SNTG1: variants seen among roughly 807,000 people sequenced by gnomAD.
SNTG1 encodes gamma-1-syntrophin.
SNTG1 carries 39 observed loss-of-function variants against 74.7 expected under a neutral mutation model. That is an observed-to-expected ratio of 0.52 (90% confidence interval 0.40 to 0.68). SNTG1 has a LOEUF of 0.68. SNTG1 is among the 30% of genes least tolerant of loss of function. SNTG1 has a pLI of 0.00. For missense variants in SNTG1, 685 were observed against 609.5 expected (o/e 1.12, Z -1.30); for synonymous variants, 254 against 217.1 (o/e 1.17, Z -1.49).
In SNTG1 at chr8:50,248,993, A is replaced by T. The variant is rs112656788; in HGVS notation, c.-28+76358A>T. Among the ~76,000 whole-genome samples, 10 of 152,270 alleles carry T rather than the reference A, an allele frequency of 6.6e-5. 1 individual carries two copies. Among genetic ancestry groups the T allele is most frequent in the African/African-American group, 2.2e-4 (9 of 41,548 alleles). On this transcript the variant is annotated intron_variant, in intron 2 of 18. Transcript: ENST00000642720. ...CAAGGTAACATCAAAATTCCTGTGG[A>T]GCATGGGAGCCCAGTATAACACCAT...
At chr8:50,576,097 C>A (rs1372426029) in intron 12 of SNTG1, among the ~76,000 whole-genome samples, 1 of 152,318 alleles carries the variant, frequency 6.6e-6, no homozygotes. Flanking sequence ...CAATTGCATG[C>A]ATCCCAAAAA....
chr8:50,297,304 A>G (rs768997586), intron 2 of SNTG1, among the ~76,000 whole-genome samples: 3 of 152,192 alleles, frequency 2.0e-5, no homozygotes, highest in Non-Finnish European at 2.9e-5. Flanking sequence ...AATTAGGCAG[A>G]ATAAGAGATT....
chr8:50,632,051 C>T (rs1278019656), intron 13 of SNTG1, among the ~76,000 whole-genome samples: 2 of 152,102 alleles, frequency 1.3e-5, no homozygotes, highest in African/African-American at 4.8e-5. Flanking sequence ...CTTGAAATAA[C>T]TACTGTGCTG....
intron 2 of SNTG1, among the ~76,000 whole-genome samples, chr8:50,233,482 A>G (rs985889680): frequency 1.3e-5 from 2 of 151,850 alleles, no homozygotes; most frequent in African/African-American, 4.8e-5. Flanking sequence ...AATAAAATAT[A>G]GGAGAAAATA....
intron 4 of SNTG1, among the ~76,000 whole-genome samples, chr8:50,420,023 CT>C (rs1391652044): frequency 6.6e-6 from 1 of 151,822 alleles, no homozygotes; most frequent in East Asian, 1.9e-4. Flanking sequence ...TAAGAAGTGT[CT>C]CAGGGACCCA....
chr8:50,089,198 G>C (rs1344688809), intron 1 of SNTG1, among the ~76,000 whole-genome samples: 1 of 152,058 alleles, frequency 6.6e-6, no homozygotes. Flanking sequence ...AAACTGGCTA[G>C]CCATATGTAG....
intron 15 of SNTG1, among the ~76,000 whole-genome samples, chr8:50,691,676 T>C (rs901220482): frequency 6.6e-6 from 1 of 152,182 alleles, no homozygotes; most frequent in Admixed American, 6.5e-5. Flanking sequence ...CTGGCTGCCC[T>C]TAACATTTTT....
Position 50,493,148 on chromosome 8 carries a change from C to T in SNTG1, c.364-9630C>T, listed in dbSNP as rs550036039. On this transcript the variant is annotated intron_variant, in intron 8 of 18. Transcript: ENST00000642720. ...AGAACTCTTAAGATAGTAGAATATA[C>T]GGAAATACAAACGGGGATTTTGGAG... Among the ~76,000 whole-genome samples, 106 of 152,194 alleles carry T rather than the reference C, an allele frequency of 7.0e-4. 1 individual carries two copies. The highest frequency in any genetic ancestry group is 1.3e-3 in the Admixed American group (20 of 15,292).
intron 1 of SNTG1, among the ~76,000 whole-genome samples, chr8:49,969,027 T>C (rs1237153371): frequency 6.6e-6 from 1 of 152,116 alleles, no homozygotes; most frequent in Non-Finnish European, 1.5e-5. Context: ...TTTTTGAGCT[T>C]TGGAAATATT....
At chr8:50,493,367 T>G (rs4577970) in intron 8 of SNTG1, among the ~76,000 whole-genome samples, 130,896 of 152,134 alleles carry the variant, frequency 0.86, 56,429 homozygotes, top group Non-Finnish European at 0.89. Flanking sequence ...TTCAAACCGT[T>G]TAGGAAACTA....
intron 18 of SNTG1, among the ~76,000 whole-genome samples, chr8:50,758,855 G>A (rs191552549): frequency 4.3e-4 from 66 of 152,158 alleles, no homozygotes; most frequent in African/African-American, 1.3e-3. Context: ...GGATTGCTGG[G>A]TCAAATGTAT....
chr8:50,076,102 T>C (rs921560012), intron 1 of SNTG1, among the ~76,000 whole-genome samples: 4 of 152,086 alleles, frequency 2.6e-5, no homozygotes, highest in African/African-American at 9.7e-5. Context: ...TCAAGCGAAG[T>C]GTAGTAAAAT....
chr8:50,709,242 A>G (rs951496829), intron 17 of SNTG1: 1 of 404,372 alleles, frequency 2.5e-6, no homozygotes, highest in African/African-American at 2.0e-5. Flanking sequence ...TCTATCAATC[A>G]TTTCCCTGTT....
chr8:50,451,666 G>A (rs1002473176), intron 8 of SNTG1, among the ~76,000 whole-genome samples: 3 of 152,110 alleles, frequency 2.0e-5, no homozygotes, highest in Non-Finnish European at 4.4e-5. Context: ...AGGGCCCAGG[G>A]ATGTGGATTT....
chr8:50,278,041 C>T (rs150595867), intron 2 of SNTG1, among the ~76,000 whole-genome samples: 217 of 152,128 alleles, frequency 1.4e-3, no homozygotes, highest in African/African-American at 5.0e-3. Context: ...TGCTTGGTGG[C>T]GTATGCCTGT....
At chr8:50,688,865 G>A (rs922993402) in intron 15 of SNTG1, among the ~76,000 whole-genome samples, 15 of 151,798 alleles carry the variant, frequency 9.9e-5, no homozygotes, top group South Asian at 2.1e-4. Context: ...CCATTTTCAC[G>A]ATATTGATTC....
intron 4 of SNTG1, 88 bp from the exon 5 acceptor site, chr8:50,438,455 C>T (rs575166046): frequency 2.6e-4 from 285 of 1,103,174 alleles, no homozygotes; most frequent in Non-Finnish European, 3.6e-4. Context: ...AAAGCAAAAC[C>T]CAGAAGAAAA....
intron 1 of SNTG1, among the ~76,000 whole-genome samples, chr8:50,087,117 A>C (rs905908444): frequency 6.6e-6 from 1 of 152,050 alleles, no homozygotes; most frequent in Non-Finnish European, 1.5e-5. Context: ...GAAATAAGTG[A>C]GAGATTATCA....
chr8:50,230,082 A>T (rs905404527), intron 2 of SNTG1, among the ~76,000 whole-genome samples: 2 of 151,544 alleles, frequency 1.3e-5, no homozygotes, highest in African/African-American at 4.8e-5. Context: ...GGCAAATGCA[A>T]TGTCTAGAGG....
Sources: allele counts gnomAD v4.1 joint callset (sites outside exome capture counted in the v4.1 genomes callset), GRCh38; gene constraint gnomAD v4.1.1; transcripts MANE v1.5; gene names NCBI Gene and HGNC (gene_info 2026-07-23, HGNC 2026-07-21).